Variants in BCAS1 observed in about 807,000 individuals in gnomAD.
BCAS1 encodes the protein breast carcinoma-amplified sequence 1.
In BCAS1, 46 loss-of-function variants were observed where a neutral mutation model predicts 65.4. That is an observed-to-expected ratio of 0.70 (90% CI 0.55 to 0.90). BCAS1 has a LOEUF of 0.90. Ranked by LOEUF, BCAS1 falls within the 40% of genes least tolerant of loss-of-function variation. The pLI, the probability that BCAS1 is intolerant of heterozygous loss-of-function variation, is 0.00. For missense variants in BCAS1, 793 were observed against 771.2 expected, an observed-to-expected ratio of 1.03 and a Z score of -0.33; for synonymous variants, 298 against 293.5, an observed-to-expected ratio of 1.02 and a Z score of -0.16.
intron 4 of BCAS1, among the ~76,000 whole-genome samples, chr20:54,018,088 G>GA (rs1232205215): frequency 6.6e-6 from 1 of 152,116 alleles, no homozygotes; most frequent in East Asian, 1.9e-4. Context: ...CCCGTGCAAA[G>GA]AAAGAAAGAA....
intron 3 of BCAS1, among the ~76,000 whole-genome samples, chr20:54,043,314 GAT>G (rs2092034751): frequency 6.6e-6 from 1 of 151,164 alleles, no homozygotes; most frequent in African/African-American, 2.4e-5. Context: ...TGATGATGAT[GAT>G]GATGATGATG....
chr20:54,053,356 A>ACT (rs1370880458), intron 3 of BCAS1, among the ~76,000 whole-genome samples: 1 of 152,132 alleles, frequency 6.6e-6, no homozygotes, highest in Non-Finnish European at 1.5e-5. Context: ...AAGAAAAAGC[A>ACT]CTCTACACGA....
intron 4 of BCAS1, among the ~76,000 whole-genome samples, chr20:54,024,661 G>A (rs2091632326): frequency 6.6e-6 from 1 of 150,552 alleles, no homozygotes; most frequent in Admixed American, 6.7e-5. Flanking sequence ...TTTAGAGGGT[G>A]AGATCCAGCA....
intron 3 of BCAS1, among the ~76,000 whole-genome samples, chr20:54,048,557 C>A (rs2092152884): frequency 6.6e-6 from 1 of 152,112 alleles, no homozygotes; most frequent in Non-Finnish European, 1.5e-5. Context: ...CTTTTGGATC[C>A]CATGATGTAG....
chr20:53,957,236 G>A (rs1391551315), intron 11 of BCAS1, among the ~76,000 whole-genome samples, 196 bp downstream of exon 11: 5 of 152,184 alleles, frequency 3.3e-5, no homozygotes, highest in African/African-American at 1.2e-4. Context: ...TTTTTTGATA[G>A]GATAAAGCTG....
At chr20:54,066,367 C>A (rs290438) in intron 1 of BCAS1, among the ~76,000 whole-genome samples, 1 of 152,164 alleles carries the variant, frequency 6.6e-6, no homozygotes, top group Non-Finnish European at 1.5e-5. Flanking sequence ...CCACCGGGCC[C>A]GGCCGAGGCA....
intron 8 of BCAS1, among the ~76,000 whole-genome samples, chr20:53,977,098 A>G (rs936341157): frequency 3.9e-5 from 6 of 152,190 alleles, no homozygotes; most frequent in African/African-American, 1.4e-4. Context: ...CAGGCAAGAG[A>G]GAGCGAAGGG....
In BCAS1 at chr20:54,036,120, G is replaced by T. The variant is rs771319336; in HGVS notation, c.143-7148C>A. 9.3e-5 allele frequency among the ~76,000 whole-genome samples: 14 copies of T among 150,546 alleles called. 1 individual carries two copies. The highest frequency in any genetic ancestry group is 1.8e-4 in the Non-Finnish European group (12 of 67,338). ...TAATAGATATTATTTCATCACCCAG[G>T]TATTAATAATACCTATTTCATCACC... is the stretch of plus-strand genomic sequence containing the variant. On this transcript the variant is annotated intron_variant, in intron 3 of 12. Coordinates refer to ENST00000688948, the MANE Select transcript of BCAS1 (RefSeq NM_001366298.2).
In BCAS1 at chr20:53,953,533, C is replaced by T; in HGVS notation, c.1714G>A (p.Glu572Lys). ...QEAKEPAQCTEQATVDTNSLQ... is the reference protein window; with the variant it reads ...QEAKEPAQCTKQATVDTNSLQ... ...GAGTTCGTGTCCACCGTGGCCTGCTCTGTGCACTGGGCTGGTTCTTTGGCT... is the reference window on the plus strand; with the variant it reads ...GAGTTCGTGTCCACCGTGGCCTGCTTTGTGCACTGGGCTGGTTCTTTGGCT... Residue 572 changes from glutamate to lysine, a missense_variant, in exon 12 of 13, where the codon GAG becomes AAG. Physicochemically the swap from Glu to Lys is moderately conservative, Grantham distance 56 (BLOSUM62 1). Coordinates refer to ENST00000688948, the MANE Select transcript of BCAS1 (RefSeq NM_001366298.2). The T allele has an allele frequency of 1.2e-6, 2 of 1,613,998 alleles. No individual in the cohort carries two copies. Among genetic ancestry groups the T allele is most frequent in the Non-Finnish European group, 1.7e-6 (2 of 1,180,010 alleles).
intron 4 of BCAS1, among the ~76,000 whole-genome samples, chr20:53,998,286 T>G (rs2090970968): frequency 6.6e-6 from 1 of 152,180 alleles, no homozygotes; most frequent in African/African-American, 2.4e-5. Context: ...TGGGCCATTT[T>G]TTGCGTTGTT....
chr20:54,019,507 G>T (rs116776836), intron 4 of BCAS1, among the ~76,000 whole-genome samples: 77 of 152,278 alleles, frequency 5.1e-4, no homozygotes, highest in African/African-American at 1.8e-3. Flanking sequence ...GTTAACATTA[G>T]GTGTCAACTT....
At chr20:54,007,533 C>CTT (rs2091226468) in intron 4 of BCAS1, among the ~76,000 whole-genome samples, 1 of 152,190 alleles carries the variant, frequency 6.6e-6, no homozygotes, top group African/African-American at 2.4e-5. Flanking sequence ...TCTTCTCTAG[C>CTT]CTCTCTGCTT....
chr20:53,953,657 C>T lies in BCAS1; in HGVS notation c.1590G>A (p.Glu530=), dbSNP rs375188042. ...TCTGTGGTGCTCCTGTTGGTTCAGG[C>T]TCTGGCGGTGTGATAGTCTTTTCTG... The part of the protein sequence containing the change: ...DSTEKTITPP[E]PEPTGAPQKG... Residue 530 remains glutamate (E), a synonymous_variant, in exon 12 of 13, where the codon GAG becomes GAA. Transcript: ENST00000688948. 61 of 1,613,780 alleles carry T rather than the reference C, an allele frequency of 3.8e-5. No homozygotes were observed. Among genetic ancestry groups the T allele is most frequent in the Non-Finnish European group, 4.6e-5 (54 of 1,179,996 alleles).
intron 11 of BCAS1, 122 bp from the exon 12 acceptor site, chr20:53,953,817 C>A: frequency 8.5e-7 from 1 of 1,178,476 alleles, no homozygotes; most frequent in South Asian, 1.7e-5. Flanking sequence ...TTTCATGAAT[C>A]CTAGGTGAAA....
At chr20:53,996,091 G>A in intron 4 of BCAS1, 41 bp from the exon 5 acceptor site, 2 of 1,537,468 alleles carry the variant, frequency 1.3e-6, no homozygotes, top group Non-Finnish European at 8.8e-7. Flanking sequence ...CTTGCTGAAT[G>A]TGAACTCTCA....
chr20:53,966,920 A>G lies in BCAS1; in HGVS notation c.1471T>C (p.Phe491Leu), dbSNP rs968536139. The G allele has an allele frequency of 6.2e-7, 1 of 1,608,154 alleles. No homozygotes were observed. The highest frequency in any genetic ancestry group is 8.5e-7 in the Non-Finnish European group (1 of 1,178,368). The change falls in exon 10 of 13, where the codon TTT (phenylalanine) becomes CTT (leucine). Residue 491 changes from phenylalanine (F) to leucine (L), a missense_variant. By Grantham distance (22) the Phe-to-Leu change is conservative (BLOSUM62 0). Coordinates refer to ENST00000688948, the MANE Select transcript of BCAS1 (RefSeq NM_001366298.2). ...AAGGGGCTTACCATTTGTCTGAGAAACGCCATCAGAGAGGTTCTTGGTTTG... is the reference window on the plus strand; with the variant it reads ...AAGGGGCTTACCATTTGTCTGAGAAGCGCCATCAGAGAGGTTCTTGGTTTG... ...ESKPRTSLMA[F>L]LRQMSVKGDG...
At chr20:53,950,437 C>CTG (rs201116010) in intron 12 of BCAS1, among the ~76,000 whole-genome samples, 6 of 102,476 alleles carry the variant, frequency 5.9e-5, no homozygotes, top group South Asian at 2.8e-4. Context: ...GTAGCACACC[C>CTG]CGCCCCCAGA....
At chr20:53,947,970 A>T (rs1201038565) in intron 12 of BCAS1, among the ~76,000 whole-genome samples, 1 of 152,148 alleles carries the variant, frequency 6.6e-6, no homozygotes, top group Non-Finnish European at 1.5e-5. Context: ...CGTCAGCACC[A>T]TTCACTTCAT....
chr20:53,948,905 C>T (rs886512442), intron 12 of BCAS1, among the ~76,000 whole-genome samples: 4 of 152,182 alleles, frequency 2.6e-5, no homozygotes, highest in African/African-American at 7.2e-5. Context: ...TTCCAACCCT[C>T]GGTCTCAGGC....
Sources: gnomAD v4.1 joint callset for allele counts (sites outside exome capture counted in the v4.1 genomes callset) on GRCh38, gnomAD v4.1.1 for gene constraint, MANE v1.5 for transcripts, NCBI Gene and HGNC (gene_info 2026-07-23, HGNC 2026-07-21) for gene names.